The following LRP1B variants were observed in gnomAD, a reference collection of about 807,000 sequenced individuals.
LRP1B encodes the protein LDL receptor related protein 1B.
A neutral mutation model predicts 556.6 loss-of-function variants in LRP1B; 217 were observed. The ratio of observed to expected loss-of-function variants is 0.39; its 90% confidence interval spans 0.35 to 0.44. The LOEUF (loss-of-function observed/expected upper bound fraction) is 0.44. Ranked by LOEUF, LRP1B falls within the 20% of genes least tolerant of loss-of-function variation. The probability of loss-of-function intolerance (pLI) is 1.00; values close to 1 mark genes in which losing one functional copy is unlikely to be tolerated. For synonymous variants in LRP1B, 2,047 were observed against 1,865.8 expected (o/e 1.10, Z -2.50); for missense variants, 5,053 against 5,620.8 (o/e 0.90, Z 3.23).
At chr2:142,032,374 C>A (rs1703740141) in intron 1 of LRP1B, among the ~76,000 whole-genome samples, 1 of 151,786 alleles carries the variant, frequency 6.6e-6, no homozygotes, top group Non-Finnish European at 1.5e-5. Context: ...AATTATATAT[C>A]ATCAATTTCT....
intron 1 of LRP1B, among the ~76,000 whole-genome samples, chr2:141,886,258 T>C (rs4662555): frequency 0.44 from 66,469 of 151,930 alleles, 14,731 homozygotes; most frequent in Admixed American, 0.51. Context: ...CAGTTGTTAG[T>C]ATTTTTCGCC....
intron 1 of LRP1B, among the ~76,000 whole-genome samples, chr2:142,122,973 T>C (rs1364149033): frequency 1.3e-5 from 2 of 152,062 alleles, no homozygotes. Context: ...AAGGTTCTAA[T>C]TAGCTCAGCT....
chr2:142,059,753 A>G (rs1361963019), intron 1 of LRP1B, among the ~76,000 whole-genome samples: 1 of 152,090 alleles, frequency 6.6e-6, no homozygotes, highest in Non-Finnish European at 1.5e-5. Flanking sequence ...GGCTGATATT[A>G]GTTGTTAGAG....
intron 2 of LRP1B, among the ~76,000 whole-genome samples, chr2:141,761,239 A>G (rs1280315662): frequency 6.6e-6 from 1 of 152,028 alleles, no homozygotes; most frequent in Non-Finnish European, 1.5e-5. Flanking sequence ...TTTTTTTTCC[A>G]TTAAATCTGG....
At chr2:141,255,389 A>G (rs961511019) in intron 3 of LRP1B, among the ~76,000 whole-genome samples, 1 of 152,082 alleles carries the variant, frequency 6.6e-6, no homozygotes, top group African/African-American at 2.4e-5. Flanking sequence ...AGAAAGGCAA[A>G]TAAGGGTTTT....
chr2:141,464,270 C>A (rs1485855442), intron 3 of LRP1B, among the ~76,000 whole-genome samples: 2 of 152,120 alleles, frequency 1.3e-5, no homozygotes, highest in African/African-American at 2.4e-5. Context: ...GGTACAATCT[C>A]TAACATTTTT....
At chr2:141,889,074 G>C (rs140086435) in intron 1 of LRP1B, among the ~76,000 whole-genome samples, 1 of 152,238 alleles carries the variant, frequency 6.6e-6, no homozygotes, top group East Asian at 1.9e-4. Context: ...GATTATGCTG[G>C]AAATAATGCT....
At chr2:140,643,964 A>G (rs1684390346) in intron 41 of LRP1B, among the ~76,000 whole-genome samples, 1 of 152,176 alleles carries the variant, frequency 6.6e-6, no homozygotes, top group South Asian at 2.1e-4. Flanking sequence ...AATTCTGTAC[A>G]CATTTTTCAA....
intron 37 of LRP1B, among the ~76,000 whole-genome samples, chr2:140,709,154 A>G (rs1040296860): frequency 3.3e-5 from 5 of 152,062 alleles, no homozygotes; most frequent in Non-Finnish European, 5.9e-5. Context: ...TTTTCAGCAC[A>G]TTATTTACAG....
chr2:141,430,499 A>G (rs1241720307), intron 3 of LRP1B, among the ~76,000 whole-genome samples: 1 of 152,228 alleles, frequency 6.6e-6, no homozygotes, highest in African/African-American at 2.4e-5. Context: ...ATTACTGTAT[A>G]TTTGGCAGGA....
intron 86 of LRP1B, among the ~76,000 whole-genome samples, chr2:140,265,776 A>T (rs569507874): frequency 2.0e-5 from 3 of 152,124 alleles, no homozygotes; most frequent in Non-Finnish European, 4.4e-5. Flanking sequence ...GTGACTAAAA[A>T]CTATTTCCAA....
At chr2:140,327,423 G>A (rs1370968482) in intron 79 of LRP1B, among the ~76,000 whole-genome samples, 1 of 152,070 alleles carries the variant, frequency 6.6e-6, no homozygotes, top group Admixed American at 6.6e-5. Flanking sequence ...AGTGGTCATT[G>A]TTTTACTGGT....
chr2:140,640,544 C>T (rs939905287), intron 41 of LRP1B, among the ~76,000 whole-genome samples: 15 of 150,606 alleles, frequency 1.0e-4, no homozygotes, highest in Non-Finnish European at 1.6e-4. Context: ...TACAGGCGCC[C>T]GCCACCATGC....
intron 66 of LRP1B, among the ~76,000 whole-genome samples, chr2:140,416,193 C>A (rs1181247058): frequency 3.3e-5 from 5 of 152,158 alleles, no homozygotes; most frequent in Non-Finnish European, 5.9e-5. Context: ...TCAATGTGAA[C>A]CCTATCGTGA....
chr2:140,536,311 TAAAAAAAAAAA>T (rs70988404), intron 46 of LRP1B, among the ~76,000 whole-genome samples: 7 of 61,870 alleles, frequency 1.1e-4, no homozygotes, highest in South Asian at 1.1e-3. Flanking sequence ...CCCGTCTCTT[TAAAAAAAAAAA>T]AAAAAAAAAA....
At chr2:140,503,973 A>T (rs1393913656) in intron 53 of LRP1B, among the ~76,000 whole-genome samples, 2 of 152,272 alleles carry the variant, frequency 1.3e-5, no homozygotes, top group Middle Eastern at 3.4e-3. Context: ...AAATAGCCTT[A>T]GCTACCCTAG....
chr2:141,186,207 A>G (rs1574168429), intron 7 of LRP1B, among the ~76,000 whole-genome samples: 1 of 151,886 alleles, frequency 6.6e-6, no homozygotes, highest in East Asian at 1.9e-4. Flanking sequence ...GAGTTAGGTC[A>G]GATTATTAAT....
chr2:141,207,671 TTTTG>T (rs932201276), intron 6 of LRP1B, among the ~76,000 whole-genome samples: 6 of 148,028 alleles, frequency 4.1e-5, no homozygotes, highest in Admixed American at 2.7e-4. Flanking sequence ...TTGTTTTTGT[TTTTG>T]TTTTTGTTTT....
At chr2:140,555,370 C>T (rs151337122) in intron 43 of LRP1B, among the ~76,000 whole-genome samples, 1 of 151,988 alleles carries the variant, frequency 6.6e-6, no homozygotes. Context: ...ACATTCCATA[C>T]ATTTGAAAAA....
Sources: allele counts gnomAD v4.1 joint callset (sites outside exome capture counted in the v4.1 genomes callset), GRCh38; gene constraint gnomAD v4.1.1; transcripts MANE v1.5; gene names NCBI Gene and HGNC (gene_info 2026-07-23, HGNC 2026-07-21).